GLP2R: variants seen among roughly 807,000 people sequenced by gnomAD.
GLP2R encodes glucagon like peptide 2 receptor, also known as glucagon-like peptide 2 receptor.
Under a neutral mutation model 68.2 loss-of-function variants are expected in GLP2R, and 59 were observed. That is an observed-to-expected ratio of 0.87 (90% CI 0.70 to 1.07). The LOEUF (loss-of-function observed/expected upper bound fraction) is 1.07, where lower values mean the gene tolerates loss of function less well. Ranked by LOEUF, GLP2R falls within the 50% of genes least tolerant of loss-of-function variation. The probability of loss-of-function intolerance (pLI) is 0.00; values close to 1 mark genes in which losing one functional copy is unlikely to be tolerated. For missense variants in GLP2R, 548 were observed against 677.4 expected (o/e 0.81, Z 2.12); for synonymous variants, 270 against 265.4 (o/e 1.02, Z -0.17).
intron 1 of GLP2R, among the ~76,000 whole-genome samples, chr17:9,827,166 G>A (rs368806813): frequency 6.7e-6 from 1 of 149,456 alleles, no homozygotes. Context: ...ACTGTACCAG[G>A]CCTACATACA....
chr17:9,870,398 A>G (rs2067081192), intron 9 of GLP2R, among the ~76,000 whole-genome samples: 1 of 152,180 alleles, frequency 6.6e-6, no homozygotes, highest in Non-Finnish European at 1.5e-5. Context: ...AATAATAGTA[A>G]TAATAATAAT....
intron 9 of GLP2R, among the ~76,000 whole-genome samples, chr17:9,863,657 C>A: frequency 6.6e-6 from 1 of 152,166 alleles, no homozygotes; most frequent in Non-Finnish European, 1.5e-5. Flanking sequence ...ATCTGTTCCT[C>A]ATCTTTCAAG....
intron 9 of GLP2R, among the ~76,000 whole-genome samples, chr17:9,864,097 T>C (rs923599028): frequency 1.7e-4 from 26 of 152,214 alleles, no homozygotes; most frequent in Admixed American, 1.7e-3. Context: ...TGGAATCCCC[T>C]GGGTGTCTTT....
At chr17:9,865,560 C>T (rs569056530) in intron 9 of GLP2R, among the ~76,000 whole-genome samples, 12 of 152,314 alleles carry the variant, frequency 7.9e-5, no homozygotes, top group Admixed American at 2.6e-4. Context: ...ATGCTCTACT[C>T]GTATGGATAC....
At chr17:9,850,280 A>T (rs1448355364) in intron 4 of GLP2R, among the ~76,000 whole-genome samples, 1 of 152,240 alleles carries the variant, frequency 6.6e-6, no homozygotes, top group African/African-American at 2.4e-5. Flanking sequence ...TGTAGAGGAC[A>T]GTTGAACAAA....
intron 11 of GLP2R, among the ~76,000 whole-genome samples, chr17:9,882,895 A>G (rs1465138576): frequency 1.3e-5 from 2 of 152,016 alleles, no homozygotes; most frequent in Non-Finnish European, 2.9e-5. Context: ...GGGAATCAGA[A>G]TCCTGAGTTG....
intron 3 of GLP2R, among the ~76,000 whole-genome samples, chr17:9,837,394 G>A (rs1226872625): frequency 1.3e-5 from 2 of 152,182 alleles, no homozygotes. Flanking sequence ...TACAGATCCA[G>A]CAGCCACTAA....
intron 10 of GLP2R, among the ~76,000 whole-genome samples, chr17:9,876,204 C>A (rs2067141335): frequency 3.3e-5 from 5 of 152,152 alleles, no homozygotes; most frequent in Non-Finnish European, 4.4e-5. Flanking sequence ...CATGCTAAAC[C>A]CCAGTTCTTT....
At chr17:9,828,971 C>T (rs917318622) in intron 1 of GLP2R, among the ~76,000 whole-genome samples, 1 of 152,154 alleles carries the variant, frequency 6.6e-6, no homozygotes, top group Non-Finnish European at 1.5e-5. Context: ...CCATCTTAAC[C>T]CCATATTCCT....
chr17:9,860,222 CAA>C (rs1485719323), intron 7 of GLP2R, 121 bp downstream of exon 7: 1 of 898,572 alleles, frequency 1.1e-6, no homozygotes, highest in African/African-American at 1.7e-5. Context: ...TATAAGTCCT[CAA>C]AGACAGGGAG....
At chr17:9,840,987 ATT>A (rs2152033263) in intron 3 of GLP2R, among the ~76,000 whole-genome samples, 1 of 149,544 alleles carries the variant, frequency 6.7e-6, no homozygotes, top group East Asian at 2.0e-4. Flanking sequence ...CCCTTGGAAG[ATT>A]TGGAGAGAAG....
At chr17:9,857,360 A>G in intron 5 of GLP2R, 63 bp from the exon 6 acceptor site, 1 of 1,464,576 alleles carries the variant, frequency 6.8e-7, no homozygotes, top group East Asian at 2.3e-5. Context: ...CATAAAAGGC[A>G]GAGGCCTGTT....
At chr17:9,847,490 G>C (rs908607415) in intron 4 of GLP2R, among the ~76,000 whole-genome samples, 1 of 152,006 alleles carries the variant, frequency 6.6e-6, no homozygotes, top group Non-Finnish European at 1.5e-5. Context: ...GGCTGGTCTC[G>C]AATGCCTGAC....
At chr17:9,836,935 C>T (rs60865987) in intron 3 of GLP2R, among the ~76,000 whole-genome samples, 29,998 of 151,876 alleles carry the variant, frequency 0.2, 4,192 homozygotes, top group African/African-American at 0.38. Context: ...CTGCAACCTC[C>T]GCCTCCCAGG....
intron 5 of GLP2R, 102 bp from the exon 6 acceptor site, chr17:9,857,321 C>T: frequency 1.0e-6 from 1 of 987,442 alleles, no homozygotes; most frequent in East Asian, 2.5e-5. Flanking sequence ...TATACTATGA[C>T]CCTCTGTCTT....
At chr17:9,856,286 C>A (rs2066932931) in intron 5 of GLP2R, among the ~76,000 whole-genome samples, 1 of 152,230 alleles carries the variant, frequency 6.6e-6, no homozygotes, top group Non-Finnish European at 1.5e-5. Flanking sequence ...AAGCCTGGGA[C>A]AACCAAGTGT....
intron 10 of GLP2R, among the ~76,000 whole-genome samples, chr17:9,877,672 A>G (rs556087208): frequency 2.5e-4 from 38 of 152,088 alleles, no homozygotes; most frequent in Middle Eastern, 3.4e-3. Context: ...GGCGGATCAC[A>G]AGGTCAGGAG....
Position 9,860,086 on chromosome 17 carries a change from C to A in GLP2R, c.910C>A (p.Leu304Met). The A allele has an allele frequency of 6.2e-7, 1 of 1,607,128 alleles. No individual in the cohort carries two copies. Among genetic ancestry groups the A allele is most frequent in the South Asian group, 1.1e-5 (1 of 89,982 alleles). Reference protein sequence around the residue: ...LPERRLWPRYLLLGWAFPVLF... With the variant: ...LPERRLWPRYMLLGWAFPVLF... The stretch of plus-strand genomic sequence containing the variant: ...TGAGAGGCGGCTGTGGCCCAGATAC[C>A]TGCTGTTGGGTTGGGGTGAGTGACC... Residue 304 changes from leucine to methionine, a missense_variant, in exon 7 of 13, where the codon CTG becomes ATG. Physicochemically the swap from Leu to Met is conservative, Grantham distance 15. Transcript: ENST00000262441.
chr17:9,829,546 A>G (rs941629201), intron 1 of GLP2R, among the ~76,000 whole-genome samples: 1 of 152,202 alleles, frequency 6.6e-6, no homozygotes, highest in Non-Finnish European at 1.5e-5. Flanking sequence ...AAACTAAATT[A>G]TATCACTTTT....
Sources: allele counts gnomAD v4.1 joint callset (sites outside exome capture counted in the v4.1 genomes callset), GRCh38; gene constraint gnomAD v4.1.1; transcripts MANE v1.5; gene names NCBI Gene and HGNC (gene_info 2026-07-23, HGNC 2026-07-21).